Variants in TMEM232 observed in about 807,000 individuals in gnomAD.
TMEM232 encodes the protein transmembrane protein 232.
A neutral mutation model predicts 78.8 loss-of-function variants in TMEM232; 80 were observed. That is an observed-to-expected ratio of 1.01 (90% CI 0.85 to 1.22). The LOEUF is 1.22. Ranked by LOEUF, TMEM232 falls within the 50% of genes most tolerant of loss-of-function variation. The pLI is 0.00. For synonymous variants in TMEM232, 297 were observed against 254.3 expected (o/e 1.17, Z -1.60); for missense variants, 881 against 742.2 (o/e 1.19, Z -2.17).
At chr5:110,612,139 G>A (rs935056057) in intron 8 of TMEM232, among the ~76,000 whole-genome samples, 2 of 152,084 alleles carry the variant, frequency 1.3e-5, no homozygotes, top group Non-Finnish European at 2.9e-5. Context: ...TTTTTCAAAA[G>A]CTCTTTGAGG....
chr5:110,398,171 T>G (rs1755464619), intron 2 of TMEM232, among the ~76,000 whole-genome samples: 1 of 152,192 alleles, frequency 6.6e-6, no homozygotes, highest in Non-Finnish European at 1.5e-5. Context: ...CACCTGTGTA[T>G]ATCCTAGAAA....
At chr5:110,441,805 CTAAA>C (rs1011049505) in intron 12 of TMEM232, among the ~76,000 whole-genome samples, 1 of 152,146 alleles carries the variant, frequency 6.6e-6, no homozygotes, top group African/African-American at 2.4e-5. Flanking sequence ...TTATAACTAA[CTAAA>C]TAACCACCCC....
intron 1 of TMEM232, among the ~76,000 whole-genome samples, chr5:110,677,127 T>C (rs1186817288): frequency 6.6e-6 from 1 of 152,168 alleles, no homozygotes; most frequent in African/African-American, 2.4e-5. Context: ...TCAATTTGCA[T>C]TTCTCTGACG....
intron 1 of TMEM232, among the ~76,000 whole-genome samples, chr5:110,675,276 C>A (rs1217877642): frequency 6.6e-6 from 1 of 152,060 alleles, no homozygotes; most frequent in East Asian, 1.9e-4. Context: ...ACCTCTTGAC[C>A]TCAAGTGATC....
intron 2 of TMEM232, among the ~76,000 whole-genome samples, chr5:110,655,899 A>C (rs1450707077): frequency 3.7e-5 from 4 of 107,676 alleles, no homozygotes; most frequent in Non-Finnish European, 5.3e-5. Flanking sequence ...CACTCTGGGG[A>C]CTGTTGTGGG....
At chr5:110,623,559 A>T (rs1014673946) in intron 7 of TMEM232, among the ~76,000 whole-genome samples, 1 of 151,966 alleles carries the variant, frequency 6.6e-6, no homozygotes, top group African/African-American at 2.4e-5. Context: ...TTCCCAGGTG[A>T]GAGAGATGGG....
chr5:110,625,695 T>C (rs1224116270), intron 6 of TMEM232: 1 of 199,324 alleles, frequency 5.0e-6, no homozygotes, highest in Non-Finnish European at 1.0e-5. Context: ...ATATAGTTAC[T>C]GTTCAACAAT....
chr5:110,499,868 T>A (rs1386051624), intron 12 of TMEM232, among the ~76,000 whole-genome samples: 1 of 152,224 alleles, frequency 6.6e-6, no homozygotes, highest in East Asian at 1.9e-4. Flanking sequence ...AGAGAATATT[T>A]AATTATACTA....
chr5:110,724,211 A>G (rs1797942278), intron 1 of TMEM232, among the ~76,000 whole-genome samples: 1 of 152,150 alleles, frequency 6.6e-6, no homozygotes, highest in African/African-American at 2.4e-5. Flanking sequence ...CGATATTCAC[A>G]TCAGTCCTGT....
chr5:110,411,046 G>A (rs1755978229), intron 2 of TMEM232, among the ~76,000 whole-genome samples: 1 of 152,098 alleles, frequency 6.6e-6, no homozygotes, highest in Non-Finnish European at 1.5e-5. Context: ...AAGTATCCTG[G>A]ACTCATGCAA....
chr5:110,437,583 T>C (rs1758577046), intron 12 of TMEM232, among the ~76,000 whole-genome samples: 1 of 152,026 alleles, frequency 6.6e-6, no homozygotes, highest in Admixed American at 6.6e-5. Context: ...AGTTTTATTA[T>C]ATTATTATCA....
intron 1 of TMEM232, among the ~76,000 whole-genome samples, chr5:110,698,341 C>G (rs932333165): frequency 1.3e-5 from 2 of 151,800 alleles, no homozygotes; most frequent in Admixed American, 6.6e-5. Flanking sequence ...TGCTAAATGA[C>G]AAGGTAATGG....
chr5:110,715,397 T>G (rs1431640136), intron 1 of TMEM232, among the ~76,000 whole-genome samples: 3 of 152,046 alleles, frequency 2.0e-5, no homozygotes, highest in African/African-American at 7.2e-5. Flanking sequence ...GAAATAATAC[T>G]AAACTGAATA....
chr5:110,481,981 T>A (rs1295700189), intron 12 of TMEM232, among the ~76,000 whole-genome samples: 1 of 152,172 alleles, frequency 6.6e-6, no homozygotes, highest in Non-Finnish European at 1.5e-5. Context: ...AGAACCAAGA[T>A]TTATTACAGA....
At chr5:110,427,717 G>C (rs1418236925) in intron 12 of TMEM232, among the ~76,000 whole-genome samples, 4 of 151,818 alleles carry the variant, frequency 2.6e-5, no homozygotes, top group African/African-American at 9.7e-5. Context: ...GTGGCTGTTG[G>C]TTCTTTGGTA....
At chr5:110,557,499 A>C (rs1207127973) in intron 11 of TMEM232, among the ~76,000 whole-genome samples, 2 of 152,172 alleles carry the variant, frequency 1.3e-5, no homozygotes, top group Non-Finnish European at 2.9e-5. Flanking sequence ...TGGATAATTT[A>C]TAAGGAAAAG....
chr5:110,470,492 A>C (rs1762552749), intron 12 of TMEM232, among the ~76,000 whole-genome samples: 1 of 152,174 alleles, frequency 6.6e-6, no homozygotes, highest in Admixed American at 6.6e-5. Flanking sequence ...GAACCAAGTC[A>C]GACACAGCAC....
At chr5:110,477,564 C>T (rs879540506) in intron 12 of TMEM232, among the ~76,000 whole-genome samples, 7 of 151,782 alleles carry the variant, frequency 4.6e-5, no homozygotes, top group Non-Finnish European at 8.8e-5. Flanking sequence ...GCTGTAAATA[C>T]ATCAATCACA....
intron 1 of TMEM232, among the ~76,000 whole-genome samples, chr5:110,696,862 G>A (rs1794849285): frequency 6.6e-6 from 1 of 152,068 alleles, no homozygotes. Flanking sequence ...CATGAAGATG[G>A]CCATACTGCC....
Sources: allele counts gnomAD v4.1 joint callset (sites outside exome capture counted in the v4.1 genomes callset), GRCh38; gene constraint gnomAD v4.1.1; transcripts MANE v1.5; gene names NCBI Gene and HGNC (gene_info 2026-07-23, HGNC 2026-07-21).